Variants in LRRC4C observed in about 807,000 individuals in gnomAD.
LRRC4C encodes the protein leucine-rich repeat-containing protein 4C.
A neutral mutation model predicts 33.6 loss-of-function variants in LRRC4C; 5 were observed. The ratio of observed to expected loss-of-function variants is 0.15; its 90% CI spans 0.08 to 0.31. The LOEUF (loss-of-function observed/expected upper bound fraction) is 0.31. Ranked by LOEUF, LRRC4C falls within the 10% of genes least tolerant of loss-of-function variation. LRRC4C has a pLI of 1.00. For synonymous variants in LRRC4C, 329 were observed against 302.0 expected (o/e 1.09, Z -0.93); for missense variants, 560 against 796.7 (o/e 0.70, Z 3.58).
At position 40,655,838 on chromosome 11, in the gene LRRC4C, A is replaced by G. The variant is rs548702723; in HGVS notation, c.-406-7560T>C. ...ATGTTTAATTGACTCACAGTTCTGC[A>G]TGGCTTGGGAGACCTCAGGAAACTT... On this transcript the variant is annotated intron_variant, in intron 2 of 6. Transcript: ENST00000528697. Among the ~76,000 whole-genome samples the G allele has an allele frequency of 4.6e-5, 7 of 152,368 alleles. No homozygotes were observed. The South Asian group carries it at 1.4e-3, about 32-fold the overall frequency.
At chr11:41,177,524 A>G (rs1945258310) in intron 1 of LRRC4C, among the ~76,000 whole-genome samples, 3 of 152,158 alleles carry the variant, frequency 2.0e-5, no homozygotes, top group African/African-American at 7.2e-5. Context: ...TATCTCACCT[A>G]TCTGCCTATG....
At chr11:41,072,396 T>G (rs996017890) in intron 1 of LRRC4C, among the ~76,000 whole-genome samples, 2 of 152,062 alleles carry the variant, frequency 1.3e-5, no homozygotes, top group African/African-American at 4.8e-5. Flanking sequence ...CTCCATATGT[T>G]GAGCAGAGCT....
At chr11:40,895,426 T>C (rs118140307) in intron 2 of LRRC4C, among the ~76,000 whole-genome samples, 2,023 of 152,180 alleles carry the variant, frequency 0.013, 25 homozygotes, top group Non-Finnish European at 0.017. Context: ...AACATTATAG[T>C]AACAGTGAGT....
intron 3 of LRRC4C, among the ~76,000 whole-genome samples, chr11:40,500,329 CACACAT>C (rs1287895285): frequency 1.8e-3 from 250 of 140,106 alleles, no homozygotes; most frequent in Non-Finnish European, 3.1e-3. Context: ...CACACACACA[CACACAT>C]TATATATATA....
At chr11:41,295,390 A>T (rs114684450) in intron 1 of LRRC4C, among the ~76,000 whole-genome samples, 3 of 152,192 alleles carry the variant, frequency 2.0e-5, no homozygotes, top group African/African-American at 7.2e-5. Context: ...GTGGTGATTT[A>T]GCAATATACA....
In LRRC4C at chr11:41,406,615, T is replaced by C. The variant is rs192950713; in HGVS notation, c.-496+52816A>G. Among the ~76,000 whole-genome samples, 106 of 151,324 alleles carry C rather than the reference T, an allele frequency of 7.0e-4. 2 individuals are homozygous for C. Among genetic ancestry groups the C allele is most frequent in the Admixed American group, 5.9e-3 (89 of 15,118 alleles). ...TGATGCTTCTCTCAGGCTTGAAGAG[T>C]CCAGCCATCTCATATTACTAGGTTT... is the stretch of plus-strand genomic sequence containing the variant. On this transcript the variant is annotated intron_variant, in intron 1 of 6. Coordinates refer to ENST00000528697, the MANE Select transcript of LRRC4C (RefSeq NM_001258419.2).
intron 1 of LRRC4C, among the ~76,000 whole-genome samples, chr11:41,253,710 G>T: frequency 6.6e-6 from 1 of 152,112 alleles, no homozygotes; most frequent in Non-Finnish European, 1.5e-5. Context: ...TCTTTCAGCT[G>T]TAATATCTTA....
chr11:40,434,908 T>C (rs1020399367), intron 3 of LRRC4C, among the ~76,000 whole-genome samples: 1 of 152,168 alleles, frequency 6.6e-6, no homozygotes, highest in Non-Finnish European at 1.5e-5. Context: ...ACTGGTTTAT[T>C]TAAAAATGTA....
intron 1 of LRRC4C, among the ~76,000 whole-genome samples, chr11:41,052,910 C>G (rs1192310882): frequency 6.6e-6 from 1 of 151,672 alleles, no homozygotes. Flanking sequence ...TTTTTTTTCT[C>G]CCACCATCTT....
intron 1 of LRRC4C, among the ~76,000 whole-genome samples, chr11:41,356,819 AT>A (rs1261980767): frequency 6.6e-6 from 1 of 152,018 alleles, no homozygotes; most frequent in Non-Finnish European, 1.5e-5. Flanking sequence ...AAGCATGCCA[AT>A]TTTTTTACAT....
intron 3 of LRRC4C, among the ~76,000 whole-genome samples, chr11:40,352,301 A>G (rs11530046): frequency 0.29 from 44,338 of 151,564 alleles, 6,883 homozygotes; most frequent in East Asian, 0.5. Flanking sequence ...TGTGAATAAC[A>G]TCCTATAAAC....
At chr11:40,633,156 T>C (rs1963608283) in intron 3 of LRRC4C, among the ~76,000 whole-genome samples, 1 of 152,120 alleles carries the variant, frequency 6.6e-6, no homozygotes, top group African/African-American at 2.4e-5. Context: ...GGAGGGTCCA[T>C]AGAACACTAT....
Position 40,594,241 on chromosome 11 carries a change from T to C in LRRC4C, c.-270+53901A>G, listed in dbSNP as rs190415830. Reference sequence around the variant, plus strand: ...GAAGGAGCTAATGTTTGTTGACCCCTTGCAGTGTGCCCAGCACTGTATTAT... The same window carrying C: ...GAAGGAGCTAATGTTTGTTGACCCCCTGCAGTGTGCCCAGCACTGTATTAT... On this transcript the variant is annotated intron_variant, in intron 3 of 6. Transcript: ENST00000528697. Among the ~76,000 whole-genome samples the C allele has an allele frequency of 2.6e-5, 4 of 152,354 alleles. No individual in the cohort carries two copies. In the East Asian group the frequency reaches 7.7e-4, roughly 29 times the overall value.
chr11:40,783,702 TA>T (rs1329392409), intron 2 of LRRC4C, among the ~76,000 whole-genome samples: 2 of 152,180 alleles, frequency 1.3e-5, no homozygotes, highest in African/African-American at 4.8e-5. Flanking sequence ...GAATTTGTGT[TA>T]AAAATGCAGC....
chr11:40,662,913 T>A (rs1195677430), intron 2 of LRRC4C, among the ~76,000 whole-genome samples: 2 of 152,166 alleles, frequency 1.3e-5, no homozygotes, highest in African/African-American at 4.8e-5. Context: ...ATATTGGATA[T>A]TTGAAATAGT....
At chr11:40,513,160 A>G (rs145313781) in intron 3 of LRRC4C, among the ~76,000 whole-genome samples, 9,698 of 151,278 alleles carry the variant, frequency 0.064, 818 homozygotes, top group African/African-American at 0.2. Context: ...GAGGCAGGAG[A>G]ATCACTTGAA....
chr11:41,328,078 G>A (rs1951177641), intron 1 of LRRC4C, among the ~76,000 whole-genome samples: 1 of 152,114 alleles, frequency 6.6e-6, no homozygotes, highest in Non-Finnish European at 1.5e-5. Context: ...TCTCTGGGAG[G>A]CCCTAGAGAA....
At chr11:41,113,784 G>C (rs1428621962) in intron 1 of LRRC4C, among the ~76,000 whole-genome samples, 1 of 151,734 alleles carries the variant, frequency 6.6e-6, no homozygotes, top group Non-Finnish European at 1.5e-5. Flanking sequence ...ATTGTTTCAT[G>C]AGTTTTTTTT....
intron 1 of LRRC4C, among the ~76,000 whole-genome samples, chr11:41,049,432 A>G (rs189179814): frequency 2.2e-4 from 33 of 152,342 alleles, no homozygotes; most frequent in Admixed American, 1.8e-3. Context: ...AAACGGATTA[A>G]TACAGAATCA....
Sources: allele counts gnomAD v4.1 joint callset (sites outside exome capture counted in the v4.1 genomes callset), GRCh38; gene constraint gnomAD v4.1.1; transcripts MANE v1.5; gene names NCBI Gene and HGNC (gene_info 2026-07-23, HGNC 2026-07-21).